NEBL: variants seen among roughly 807,000 people sequenced by gnomAD.
NEBL encodes the protein LIM and SH3 protein 2.
A neutral mutation model predicts 140.2 loss-of-function variants in NEBL; 122 were observed. The observed-to-expected ratio is 0.87, with a 90% CI of 0.75 to 1.01. NEBL has a LOEUF of 1.01. Among genes scored for constraint, NEBL ranks in the 50% least tolerant of loss-of-function variants. The pLI is 0.00. For missense variants in NEBL, 1,365 were observed against 1,231.3 expected (o/e 1.11, Z -1.62); for synonymous variants, 436 against 398.9 (o/e 1.09, Z -1.11).
At chr10:21,148,579 G>A (rs892545456) in intron 2 of NEBL, among the ~76,000 whole-genome samples, 6 of 152,084 alleles carry the variant, frequency 3.9e-5, no homozygotes, top group Non-Finnish European at 8.8e-5. Context: ...GGGCTGGAGT[G>A]CAGTGGCGTG....
rs1218168878 is a variant in NEBL at position 21,130,094 on chromosome 10, T to A, written c.164+42289A>T. The stretch of plus-strand genomic sequence containing the variant: ...AACACTAACCAAAAGAAAGCAGGAG[T>A]AGCTATGTTAATTTCAAAACAGGGT... On this transcript the variant is annotated intron_variant, in intron 2 of 6. Transcript: ENST00000417816. Among the ~76,000 whole-genome samples the A allele has an allele frequency of 1.1e-4, 16 of 141,588 alleles. No homozygotes were observed. The East Asian group carries it at 2.2e-3, about 19-fold the overall frequency. The allele number at this position is 141,588 out of a possible 152,430, so 92.9% of individuals were successfully genotyped here.
chr10:21,031,681 A>G (rs1833801207), intron 2 of NEBL, among the ~76,000 whole-genome samples: 1 of 152,202 alleles, frequency 6.6e-6, no homozygotes, highest in Non-Finnish European at 1.5e-5. Flanking sequence ...GCTTTTGCAG[A>G]TGACTCTGCT....
In NEBL at chr10:21,061,309, G is replaced by T. The variant is rs1835277803; in HGVS notation, c.165-41108C>A. ...ATATGTAACATATTACATATTATGTGATATGTAATATATTACATATTATGT... is the reference window on the plus strand; with the variant it reads ...ATATGTAACATATTACATATTATGTTATATGTAATATATTACATATTATGT... On this transcript the variant is annotated intron_variant, in intron 2 of 6. Coordinates refer to the NEBL transcript ENST00000417816. Among the ~76,000 whole-genome samples, 8 of 140,476 alleles carry T rather than the reference G, an allele frequency of 5.7e-5. No homozygotes were observed. The South Asian group carries it at 1.3e-3, about 23-fold the overall frequency. 92.2% of individuals were successfully genotyped at this position (140,476 alleles called of 152,430 possible).
At chr10:21,053,610 C>T (rs558870609) in intron 2 of NEBL, among the ~76,000 whole-genome samples, 1 of 152,246 alleles carries the variant, frequency 6.6e-6, no homozygotes, top group Admixed American at 6.5e-5. Flanking sequence ...CCAATGTTCC[C>T]TTATTATAAT....
chr10:20,803,727 G>A (rs534957803), intron 26 of NEBL, among the ~76,000 whole-genome samples: 3 of 150,828 alleles, frequency 2.0e-5, no homozygotes, highest in African/African-American at 7.3e-5. Context: ...TCTCACCAGA[G>A]CCCAGCAGAG....
chr10:20,994,623 TC>T (rs911359340), intron 3 of NEBL, among the ~76,000 whole-genome samples: 1 of 152,204 alleles, frequency 6.6e-6, no homozygotes, highest in Non-Finnish European at 1.5e-5. Flanking sequence ...TAACATTTGG[TC>T]CCCCAAAAAA....
At chr10:21,205,198 C>A (rs916959856) in intron 3 of NEBL, among the ~76,000 whole-genome samples, 5 of 151,990 alleles carry the variant, frequency 3.3e-5, no homozygotes, top group African/African-American at 1.2e-4. Context: ...GGTACATGAC[C>A]CTGAAGGGAT....
At chr10:21,242,751 C>T (rs959383971) in intron 3 of NEBL, among the ~76,000 whole-genome samples, 1 of 152,102 alleles carries the variant, frequency 6.6e-6, no homozygotes, top group East Asian at 1.9e-4. Flanking sequence ...TTTCAATATA[C>T]CCAGTGGCTA....
intron 3 of NEBL, among the ~76,000 whole-genome samples, chr10:21,237,789 T>C (rs2132260888): frequency 6.6e-6 from 1 of 152,104 alleles, no homozygotes; most frequent in Non-Finnish European, 1.5e-5. Flanking sequence ...GTATTTTTAA[T>C]AGAGACTGGG....
chr10:21,117,031 G>A (rs767830694), intron 2 of NEBL, among the ~76,000 whole-genome samples: 2 of 151,990 alleles, frequency 1.3e-5, no homozygotes, highest in Non-Finnish European at 2.9e-5. Flanking sequence ...GTTGGTGCTG[G>A]AGCTTTTTAT....
chr10:21,111,483 A>T (rs970012626), intron 2 of NEBL, among the ~76,000 whole-genome samples: 2 of 151,984 alleles, frequency 1.3e-5, no homozygotes, highest in Non-Finnish European at 2.9e-5. Context: ...AAAAACAAGC[A>T]ATGGGGAAAG....
intron 2 of NEBL, among the ~76,000 whole-genome samples, chr10:21,070,293 T>C (rs1835759374): frequency 1.3e-5 from 2 of 152,160 alleles, no homozygotes; most frequent in African/African-American, 4.8e-5. Context: ...AATCTCTCAG[T>C]GGGCTTCTTT....
At chr10:21,202,623 C>G (rs1255108453) in intron 3 of NEBL, among the ~76,000 whole-genome samples, 2 of 151,870 alleles carry the variant, frequency 1.3e-5, no homozygotes, top group Non-Finnish European at 2.9e-5. Context: ...CCACCATGCC[C>G]GGCTAATTTT....
chr10:20,975,157 C>T (rs545474850), intron 3 of NEBL, among the ~76,000 whole-genome samples: 2 of 152,132 alleles, frequency 1.3e-5, no homozygotes, highest in South Asian at 4.1e-4. Flanking sequence ...ATAAATACCT[C>T]AAGAGCCTAT....
chr10:21,041,186 T>G (rs1022039147), intron 2 of NEBL, among the ~76,000 whole-genome samples: 1 of 152,208 alleles, frequency 6.6e-6, no homozygotes, highest in Non-Finnish European at 1.5e-5. Flanking sequence ...CTGATAGTTT[T>G]TCAGTCCTCA....
intron 3 of NEBL, among the ~76,000 whole-genome samples, chr10:20,993,211 T>G (rs1214325982): frequency 6.6e-6 from 1 of 152,142 alleles, no homozygotes; most frequent in Non-Finnish European, 1.5e-5. Flanking sequence ...CTATTAATAT[T>G]TAAGAGGATA....
intron 4 of NEBL, among the ~76,000 whole-genome samples, chr10:20,882,738 CAA>C (rs201682188): frequency 5.0e-5 from 7 of 140,186 alleles, no homozygotes; most frequent in South Asian, 4.6e-4. Flanking sequence ...TCTTGTCATC[CAA>C]AAAAAAAAAA....
intron 16 of NEBL, among the ~76,000 whole-genome samples, chr10:20,829,136 T>C (rs951794812): frequency 6.6e-6 from 1 of 152,106 alleles, no homozygotes; most frequent in African/African-American, 2.4e-5. Flanking sequence ...TACTAGATAG[T>C]AAGTATCAGA....
At chr10:20,841,449 C>T (rs1263400417) in intron 12 of NEBL, 2 of 153,160 alleles carry the variant, frequency 1.3e-5, no homozygotes, top group Non-Finnish European at 2.9e-5. Context: ...CACTATCCAT[C>T]ACAATTACTT....
Sources: gnomAD v4.1 joint callset for allele counts (sites outside exome capture counted in the v4.1 genomes callset) on GRCh38, gnomAD v4.1.1 for gene constraint, MANE v1.5 for transcripts, NCBI Gene and HGNC (gene_info 2026-07-23, HGNC 2026-07-21) for gene names.